Variants in PSIP1 observed in about 807,000 individuals in gnomAD.
PSIP1 encodes PC4 and SRSF1 interacting protein 1, also known as PC4 and SFRS1-interacting protein.
A neutral mutation model predicts 74.7 loss-of-function variants in PSIP1; 19 were observed. That is an observed-to-expected ratio of 0.25 (90% confidence interval 0.18 to 0.37). The LOEUF (loss-of-function observed/expected upper bound fraction) is 0.37. Among genes scored for constraint, PSIP1 ranks in the 10% least tolerant of loss-of-function variants. The pLI is 1.00. For synonymous variants in PSIP1, 222 were observed against 195.3 expected, an observed-to-expected ratio of 1.14 and a Z score of -1.14; for missense variants, 601 against 614.3, an observed-to-expected ratio of 0.98 and a Z score of 0.23.
intron 4 of PSIP1, among the ~76,000 whole-genome samples, chr9:15,489,624 A>G (rs945497381): frequency 6.6e-5 from 10 of 151,246 alleles, no homozygotes; most frequent in Admixed American, 2.6e-4. Flanking sequence ...AAAAAAAAAA[A>G]AAAAGAAATT....
intron 6 of PSIP1, among the ~76,000 whole-genome samples, chr9:15,483,604 C>T (rs1269165510): frequency 1.3e-5 from 2 of 152,060 alleles, no homozygotes; most frequent in African/African-American, 2.4e-5. Context: ...GAAACAAAGA[C>T]CTTGTCTTCT....
In PSIP1 at chr9:15,468,860, C is replaced by T. The variant is rs765581842; in HGVS notation, c.1207-17G>A. 9 of 1,607,050 alleles carry T rather than the reference C, an allele frequency of 5.6e-6. No homozygotes were observed. The East Asian group carries it at 2.0e-4, about 36-fold the overall frequency. ...TCGCCGTATCTGAGAAAACAATATA[C>T]ATTCATCATAATTGTTTTCCTAATT... is the stretch of plus-strand genomic sequence containing the variant. On this transcript the variant is annotated splice_polypyrimidine_tract_variant and intron_variant, in intron 13 of 15. Coordinates refer to ENST00000380733, the MANE Select transcript of PSIP1 (RefSeq NM_033222.5).
chr9:15,509,377 A>T (rs538187844), intron 2 of PSIP1, among the ~76,000 whole-genome samples: 8 of 152,290 alleles, frequency 5.3e-5, no homozygotes, highest in African/African-American at 1.7e-4. Flanking sequence ...AGATCTTTAA[A>T]CAGTCTCAAT....
intron 3 of PSIP1, among the ~76,000 whole-genome samples, chr9:15,491,074 C>T (rs538470916): frequency 8.5e-5 from 13 of 152,306 alleles, no homozygotes; most frequent in African/African-American, 2.9e-4. Context: ...CCAATCAATA[C>T]ATAAATTCAT....
At chr9:15,469,126 A>G in intron 12 of PSIP1, 68 bp from the exon 13 acceptor site, 2 of 1,478,372 alleles carry the variant, frequency 1.4e-6, no homozygotes, top group Non-Finnish European at 9.3e-7. Context: ...GTTTCTAAAG[A>G]TCGTTTCCAA....
chr9:15,492,682 G>C (rs1471905693), intron 3 of PSIP1, among the ~76,000 whole-genome samples: 1 of 152,194 alleles, frequency 6.6e-6, no homozygotes, highest in East Asian at 1.9e-4. Flanking sequence ...TCTCCACGAA[G>C]TCTTCGTCCC....
At chr9:15,470,198 T>G (rs1282132456) in intron 10 of PSIP1, among the ~76,000 whole-genome samples, 1 of 152,172 alleles carries the variant, frequency 6.6e-6, no homozygotes, top group African/African-American at 2.4e-5. Context: ...TTAAATCATA[T>G]CTGGCTTTTC....
chr9:15,501,802 C>T (rs1304570482), intron 3 of PSIP1, among the ~76,000 whole-genome samples: 1 of 143,958 alleles, frequency 6.9e-6, no homozygotes, highest in African/African-American at 2.7e-5. Context: ...CTGCAGATAC[C>T]AAAATTCACA....
intron 4 of PSIP1, among the ~76,000 whole-genome samples, chr9:15,488,687 C>G (rs904280565): frequency 2.6e-5 from 4 of 152,094 alleles, no homozygotes; most frequent in Admixed American, 2.0e-4. Context: ...AAGATTGAGA[C>G]CATCCTGGCT....
intron 15 of PSIP1, among the ~76,000 whole-genome samples, chr9:15,466,374 G>A (rs1271599516): frequency 1.3e-5 from 2 of 150,626 alleles, no homozygotes; most frequent in African/African-American, 4.8e-5. Flanking sequence ...GTGAAACTCT[G>A]TCTCAAAGAA....
At position 15,466,748 on chromosome 9, in the gene PSIP1, T is replaced by G. The variant is rs2035652063; in HGVS notation, c.1532A>C (p.Lys511Thr). 6.2e-7 allele frequency: 1 copy of G among 1,605,980 alleles called. No homozygotes were observed. The highest frequency in any genetic ancestry group is 1.3e-5 in the African/African-American group (1 of 74,354). ...KDNHEASTKK[K>T]PSSEERETEI... ...AGACCCATTAAAACCTATTCCTCAC[T>G]TTTTCTTCGTGCTGGCTTCATGGTT... Residue 511 changes from lysine to threonine, a missense_variant and splice_region_variant, in exon 15 of 16, where the codon AAG (lysine) becomes ACG (threonine). Physicochemically the swap from Lys to Thr is moderately conservative, Grantham distance 78. Coordinates refer to ENST00000380733, the MANE Select transcript of PSIP1 (RefSeq NM_033222.5).
At chr9:15,488,713 C>T (rs1162103188) in intron 4 of PSIP1, among the ~76,000 whole-genome samples, 3 of 151,966 alleles carry the variant, frequency 2.0e-5, no homozygotes, top group African/African-American at 4.8e-5. Flanking sequence ...GGTGAAACCC[C>T]GTCTCTACTA....
At chr9:15,476,272 G>C (rs1293002657) in intron 8 of PSIP1, among the ~76,000 whole-genome samples, 1 of 152,120 alleles carries the variant, frequency 6.6e-6, no homozygotes, top group Non-Finnish European at 1.5e-5. Context: ...ACTGACACCA[G>C]GACCAAAAAC....
At chr9:15,506,525 T>C (rs757830328) in intron 3 of PSIP1, 36 bp downstream of exon 3, 9 of 1,446,488 alleles carry the variant, frequency 6.2e-6, no homozygotes, top group Non-Finnish European at 8.7e-6. Flanking sequence ...CCTGTTAAAT[T>C]AGCTCTGATT....
At position 15,478,426 on chromosome 9, in the gene PSIP1, A is replaced by C. The variant is rs776696209; in HGVS notation, c.629+51T>G. On this transcript the variant is annotated intron_variant, in intron 8 of 15. Coordinates refer to ENST00000380733, the MANE Select transcript of PSIP1 (RefSeq NM_033222.5). Reference sequence around the variant, plus strand: ...AAATCGCAGAGATATGTGCTTGTTTAAAGTCAAATGTCTCATTTATTGCAT... The same window carrying C: ...AAATCGCAGAGATATGTGCTTGTTTCAAGTCAAATGTCTCATTTATTGCAT... 9 of 1,329,638 alleles carry C rather than the reference A, an allele frequency of 6.8e-6. No individual in the cohort carries two copies. In the East Asian group the frequency reaches 1.9e-4, roughly 27 times the overall value. 82.4% of individuals were successfully genotyped at this position (1,329,638 alleles called of 1,614,324 possible). A position where few individuals can be genotyped will look rare whatever the true frequency, so the allele number is the denominator to read the frequency against.
chr9:15,508,981 G>A (rs1187993135), intron 2 of PSIP1, among the ~76,000 whole-genome samples: 6 of 152,202 alleles, frequency 3.9e-5, no homozygotes, highest in African/African-American at 1.4e-4. Flanking sequence ...AGCTTTGGAA[G>A]GAAACTTGTG....
At chr9:15,506,727 G>T in intron 2 of PSIP1, 90 bp from the exon 3 acceptor site, 3 of 972,990 alleles carry the variant, frequency 3.1e-6, no homozygotes, top group Non-Finnish European at 4.6e-6. Context: ...ATCCAAAAGG[G>T]TTCTGTTATA....
intron 10 of PSIP1, chr9:15,471,171 T>G (rs753357327): frequency 6.2e-7 from 1 of 1,607,632 alleles, no homozygotes; most frequent in Non-Finnish European, 8.5e-7. Flanking sequence ...AGTAACTGGA[T>G]TAATGCTTTG....
intron 7 of PSIP1, among the ~76,000 whole-genome samples, 163 bp from the exon 8 acceptor site, chr9:15,478,715 G>A (rs574191520): frequency 2.6e-5 from 4 of 152,152 alleles, no homozygotes; most frequent in South Asian, 4.2e-4. Flanking sequence ...CCCCACCATG[G>A]TTAAAATGAG....
Sources: gnomAD v4.1 joint callset for allele counts (sites outside exome capture counted in the v4.1 genomes callset) on GRCh38, gnomAD v4.1.1 for gene constraint, MANE v1.5 for transcripts, NCBI Gene and HGNC (gene_info 2026-07-23, HGNC 2026-07-21) for gene names.